The following TRAPPC3L variants were observed in gnomAD, a reference collection of about 807,000 sequenced individuals.
The protein encoded by TRAPPC3L is trafficking protein particle complex subunit 3L.
A neutral mutation model predicts 23.7 loss-of-function variants in TRAPPC3L; 23 were observed. The observed-to-expected ratio is 0.97, with a 90% CI of 0.70 to 1.37. The LOEUF (loss-of-function observed/expected upper bound fraction) is 1.37. TRAPPC3L is among the 40% of genes most tolerant of loss of function. The pLI is 0.00. For missense variants in TRAPPC3L, 212 were observed against 216.8 expected (o/e 0.98, Z 0.14); for synonymous variants, 81 against 77.9 (o/e 1.04, Z -0.21).
At chr6:116,512,064 C>G in intron 3 of TRAPPC3L, 1 of 1,614,030 alleles carries the variant, frequency 6.2e-7, no homozygotes. Flanking sequence ...CTCAATGGAA[C>G]TTTCTATGAA....
At chr6:116,500,735 T>G in intron 3 of TRAPPC3L, 69 bp from the exon 4 acceptor site, 3 of 1,354,274 alleles carry the variant, frequency 2.2e-6, no homozygotes, top group Non-Finnish European at 3.1e-6. Flanking sequence ...ACTAAACAAA[T>G]ACCCAGTTCT....
chr6:116,533,800 T>C (rs1321123486), intron 3 of TRAPPC3L, among the ~76,000 whole-genome samples: 1 of 152,188 alleles, frequency 6.6e-6, no homozygotes, highest in East Asian at 1.9e-4. Flanking sequence ...CTGCTGTGAA[T>C]TGTGACTGGC....
chr6:116,543,076 A>G (rs917166130), intron 2 of TRAPPC3L, among the ~76,000 whole-genome samples: 2 of 152,192 alleles, frequency 1.3e-5, no homozygotes, highest in Admixed American at 6.6e-5. Context: ...CTAACTAAAG[A>G]GAAAACATCC....
chr6:116,543,886 CT>C (rs750911099), intron 1 of TRAPPC3L: 66 of 1,524,172 alleles, frequency 4.3e-5, no homozygotes, highest in Non-Finnish European at 5.6e-5. Flanking sequence ...AGTTTCTTTT[CT>C]TTTTACTTAG....
At chr6:116,511,431 A>G (rs1562338828) in intron 3 of TRAPPC3L, among the ~76,000 whole-genome samples, 2 of 152,108 alleles carry the variant, frequency 1.3e-5, no homozygotes, top group Admixed American at 6.6e-5. Flanking sequence ...ACATGGAAAG[A>G]AGGTTAAAAT....
intron 3 of TRAPPC3L, among the ~76,000 whole-genome samples, chr6:116,528,230 C>T (rs1204221442): frequency 2.6e-5 from 4 of 152,218 alleles, no homozygotes; most frequent in African/African-American, 7.2e-5. Flanking sequence ...TCTGCAGGTG[C>T]TTTGCCTTCA....
chr6:116,519,449 C>A (rs928312428), intron 3 of TRAPPC3L: 1 of 152,204 alleles, frequency 6.6e-6, no homozygotes, highest in Non-Finnish European at 1.5e-5. Context: ...TCCAGTGGCC[C>A]AAGGGTGATC....
Position 116,544,151 on chromosome 6 carries a change from A to AAGAGAGAGAGAGAGAGAG in TRAPPC3L, c.43-769_43-752dup, listed in dbSNP as rs141606346. Among the ~76,000 whole-genome samples, 490 of 132,954 alleles carry AAGAGAGAGAGAGAGAGAG rather than the reference A, an allele frequency of 3.7e-3. 5 individuals carry two copies. Among genetic ancestry groups the AAGAGAGAGAGAGAGAGAG allele is most frequent in the Middle Eastern group, 8.5e-3 (2 of 234 alleles). The allele number at this position is 132,954 out of a possible 152,430, so 87.2% of individuals were successfully genotyped here. On this transcript the variant is annotated intron_variant, in intron 1 of 4. Transcript: ENST00000368602. ...AGCATAAAGATAAGCAAAGGTGAAG[A>AAGAGAGAGAGAGAGAGAG]AGAGAGAGAGAGAGAGAGAGAGAGA... is the stretch of plus-strand genomic sequence containing the variant.
intron 2 of TRAPPC3L, among the ~76,000 whole-genome samples, chr6:116,542,473 G>C (rs1213342458): frequency 6.6e-6 from 1 of 151,960 alleles, no homozygotes; most frequent in Admixed American, 6.6e-5. Flanking sequence ...AAAATGTTAG[G>C]CTAAATTTCC....
At chr6:116,506,903 C>T (rs1583267067) in intron 3 of TRAPPC3L, among the ~76,000 whole-genome samples, 1 of 152,038 alleles carries the variant, frequency 6.6e-6, no homozygotes, top group Non-Finnish European at 1.5e-5. Flanking sequence ...AGGAGAAATA[C>T]CTAATGTAAA....
intron 3 of TRAPPC3L, chr6:116,518,855 G>C (rs939737076): frequency 6.6e-6 from 1 of 152,188 alleles, no homozygotes; most frequent in Non-Finnish European, 1.5e-5. Flanking sequence ...CCAGCAGCCT[G>C]GGTACTTGTT....
chr6:116,514,656 G>T (rs565575081), intron 3 of TRAPPC3L, among the ~76,000 whole-genome samples: 63 of 152,276 alleles, frequency 4.1e-4, no homozygotes, highest in African/African-American at 1.5e-3. Flanking sequence ...GTCCAGAGTT[G>T]GCATTGGTGC....
intron 3 of TRAPPC3L, among the ~76,000 whole-genome samples, chr6:116,533,608 C>T (rs1772883086): frequency 1.3e-5 from 2 of 152,218 alleles, no homozygotes; most frequent in Non-Finnish European, 2.9e-5. Flanking sequence ...CGGCTCATGC[C>T]TTCTGTACTG....
chr6:116,540,339 T>C, intron 3 of TRAPPC3L, 24 bp downstream of exon 3: 2 of 1,543,810 alleles, frequency 1.3e-6, no homozygotes, highest in South Asian at 2.4e-5. Flanking sequence ...CAAAACATAT[T>C]GACAGAGATA....
chr6:116,505,424 G>A (rs1327834844), intron 3 of TRAPPC3L, among the ~76,000 whole-genome samples: 2 of 152,226 alleles, frequency 1.3e-5, no homozygotes, highest in East Asian at 1.9e-4. Context: ...AATCAATATC[G>A]TGAAAATGGC....
At chr6:116,533,212 T>C (rs1222471213) in intron 3 of TRAPPC3L, among the ~76,000 whole-genome samples, 2 of 152,282 alleles carry the variant, frequency 1.3e-5, no homozygotes, top group East Asian at 3.9e-4. Flanking sequence ...ATAGAGACAG[T>C]AGATTTATAG....
chr6:116,538,199 A>G (rs986657206), intron 3 of TRAPPC3L, among the ~76,000 whole-genome samples: 2 of 152,176 alleles, frequency 1.3e-5, no homozygotes, highest in African/African-American at 4.8e-5. Context: ...AGTGATTTGG[A>G]TGTTGCCCTC....
chr6:116,527,401 G>T (rs1772467282), intron 3 of TRAPPC3L, among the ~76,000 whole-genome samples: 1 of 151,804 alleles, frequency 6.6e-6, no homozygotes, highest in Admixed American at 6.6e-5. Flanking sequence ...CCTGGTCCCA[G>T]CTACTCGGGA....
In TRAPPC3L at chr6:116,545,630, A is replaced by G; in HGVS notation, c.-116T>C. On this transcript the variant is annotated 5_prime_UTR_variant, in exon 1 of 5. Transcript: ENST00000368602. ...TTTGTAAGCTCTTCCTCGCTTTGAGACAGGAGTGCTGCTTCTGCACTCTGC... is the reference window on the plus strand; with the variant it reads ...TTTGTAAGCTCTTCCTCGCTTTGAGGCAGGAGTGCTGCTTCTGCACTCTGC... 1 of 871,702 alleles carries G rather than the reference A, an allele frequency of 1.1e-6. No homozygotes were observed. The highest frequency in any genetic ancestry group is 2.9e-5 in the East Asian group (1 of 35,020). 54.0% of individuals were successfully genotyped at this position (871,702 alleles called of 1,614,324 possible). A position where few individuals can be genotyped will look rare whatever the true frequency, so the allele number is the denominator to read the frequency against.
Sources: allele counts gnomAD v4.1 joint callset (sites outside exome capture counted in the v4.1 genomes callset), GRCh38; gene constraint gnomAD v4.1.1; transcripts MANE v1.5; gene names NCBI Gene and HGNC (gene_info 2026-07-23, HGNC 2026-07-21).